EPHX3: variants seen among roughly 807,000 people sequenced by gnomAD.
EPHX3 encodes the protein epoxide hydrolase 3.
In EPHX3, 39 loss-of-function variants were observed where a neutral mutation model predicts 40.2. The ratio of observed to expected loss-of-function variants is 0.97; its 90% CI spans 0.75 to 1.27. The LOEUF (loss-of-function observed/expected upper bound fraction) is 1.27, where lower values mean the gene tolerates loss of function less well. EPHX3 is among the 50% of genes most tolerant of loss of function. The probability of loss-of-function intolerance (pLI) is 0.00; values close to 1 mark genes in which losing one functional copy is unlikely to be tolerated. For synonymous variants in EPHX3, 213 were observed against 209.7 expected (o/e 1.02, Z -0.14); for missense variants, 442 against 474.0 (o/e 0.93, Z 0.63).
chr19:15,229,576 AGTGAGACTCCATC>A (rs1455638776), intron 4 of EPHX3, among the ~76,000 whole-genome samples: 2 of 135,760 alleles, frequency 1.5e-5, no homozygotes, highest in East Asian at 4.5e-4. Flanking sequence ...CACTGCACAG[AGTGAGACTCCATC>A]TCAAGAAAAA....
upstream of EPHX3, chr19:15,232,449 A>G: frequency 7.5e-7 from 1 of 1,337,064 alleles, no homozygotes; most frequent in Non-Finnish European, 9.5e-7. Flanking sequence ...AAACAAGGGT[A>G]GGGTGCGGAG....
At position 15,231,792 on chromosome 19, in the gene EPHX3, C is replaced by T. The variant is rs1182835675; in HGVS notation, c.313G>A (p.Gly105Ser). ...CAGACGTACCAGTTCTCAGGGAAGC[C>T]GTGCAGAAACAGCATGAGGGGTCCG... ...GNGPLMLFLH[G>S]FPENWFSWRY... is the part of the protein sequence containing the mutation. Residue 105 changes from glycine to serine, a missense_variant, in exon 2 of 7, where the codon GGC becomes AGC. Coordinates refer to ENST00000221730, the MANE Select transcript of EPHX3 (RefSeq NM_024794.3). 3.1e-6 allele frequency: 5 copies of T among 1,613,870 alleles called. No individual in the cohort carries two copies. The highest frequency in any genetic ancestry group is 1.3e-5 in the African/African-American group (1 of 74,934).
At chr19:15,236,414 G>A (rs918184786), upstream of EPHX3, 2 of 151,880 alleles carry the variant, frequency 1.3e-5, no homozygotes, top group African/African-American at 4.8e-5. Flanking sequence ...ATATCTAAGA[G>A]TATCTGGTTA....
At chr19:15,228,862 G>A (rs2047132738) in intron 4 of EPHX3, among the ~76,000 whole-genome samples, 2 of 152,002 alleles carry the variant, frequency 1.3e-5, no homozygotes, top group South Asian at 4.2e-4. Context: ...GTGGTGGTGT[G>A]TGCCTATAGT....
chr19:15,232,570 T>A, upstream of EPHX3: 1 of 529,898 alleles, frequency 1.9e-6, no homozygotes, highest in Non-Finnish European at 2.7e-6. Context: ...AGCGGGTGGG[T>A]GAGGGTCTAA....
chr19:15,236,408 C>T (rs1376001359), upstream of EPHX3: 1 of 151,362 alleles, frequency 6.6e-6, no homozygotes. Flanking sequence ...AGACTTATAT[C>T]TAAGAGTATC....
chr19:15,235,267 A>C (rs193031293), upstream of EPHX3, among the ~76,000 whole-genome samples: 1 of 151,982 alleles, frequency 6.6e-6, no homozygotes, highest in Admixed American at 6.6e-5. Flanking sequence ...CGGCCTCCCA[A>C]AAGTGCTGGG....
rs2047119184 is a variant in EPHX3 at position 15,227,360 on chromosome 19, C to T, written c.*77G>A. ...CACCCATGTATGGACATTGTATGGA[C>T]TCCCAGGCACACACAGATAATGGGT... On this transcript the variant is annotated 3_prime_UTR_variant, in exon 7 of 7. Transcript: ENST00000221730. 3.3e-6 allele frequency: 4 copies of T among 1,223,320 alleles called. No homozygotes were observed. Among genetic ancestry groups the T allele is most frequent in the Admixed American group, 1.8e-5 (1 of 55,712 alleles). 75.8% of individuals were successfully genotyped at this position (1,223,320 alleles called of 1,614,324 possible).
At chr19:15,234,151 C>T (rs2047174833), upstream of EPHX3, among the ~76,000 whole-genome samples, 1 of 152,038 alleles carries the variant, frequency 6.6e-6, no homozygotes, top group Non-Finnish European at 1.5e-5. Context: ...CATCACTTAA[C>T]CATAGAGCAA....
At position 15,227,514 on chromosome 19, in the gene EPHX3, C is replaced by T. The variant is rs369111109; in HGVS notation, c.1006G>A (p.Gly336Arg). The change falls in exon 7 of 7, where the codon GGG becomes AGG. Residue 336 changes from glycine (G) to arginine (R), a missense_variant. Transcript: ENST00000221730. ...GGGTTGCTCTGTGGGATCCAATGCCCTATGCCTGGCAGGATGTGGGCCTCC... is the reference window on the plus strand; with the variant it reads ...GGGTTGCTCTGTGGGATCCAATGCCTTATGCCTGGCAGGATGTGGGCCTCC... ...RLEAHILPGI[G>R]HWIPQSNPQE... The T allele has an allele frequency of 2.5e-6, 4 of 1,614,028 alleles. No individual in the cohort carries two copies. Among genetic ancestry groups the T allele is most frequent in the African/African-American group, 1.3e-5 (1 of 74,924 alleles).
At position 15,227,527 on chromosome 19, in the gene EPHX3, G is replaced by A. The variant is rs1384829618; in HGVS notation, c.993C>T (p.Ile331=). ...GGATCCAATGCCCTATGCCTGGCAG[G>A]ATGTGGGCCTCCAAGCGGCCCGGCA... The part of the protein sequence containing the change: ...RFVPGRLEAH[I]LPGIGHWIPQ... The change falls in exon 7 of 7, where the codon ATC becomes ATT. Residue 331 remains isoleucine (I), a synonymous_variant. Transcript: ENST00000221730. The A allele has an allele frequency of 3.1e-6, 5 of 1,614,118 alleles. No individual in the cohort carries two copies. Among genetic ancestry groups the A allele is most frequent in the South Asian group, 1.1e-5 (1 of 91,090 alleles).
At chr19:15,234,087 C>T (rs1446476705), upstream of EPHX3, among the ~76,000 whole-genome samples, 2 of 151,414 alleles carry the variant, frequency 1.3e-5, no homozygotes, top group South Asian at 2.1e-4. Flanking sequence ...CAGCCAGCTT[C>T]TTCCTCCTAT....
chr19:15,235,036 A>G (rs893044731), upstream of EPHX3, among the ~76,000 whole-genome samples: 5 of 151,934 alleles, frequency 3.3e-5, no homozygotes, highest in African/African-American at 4.8e-5. Context: ...GAGTCTCACC[A>G]TATCACCCAA....
Position 15,232,241 on chromosome 19 carries a change from T to A in EPHX3, c.-30A>T. The A allele has an allele frequency of 6.8e-7, 1 of 1,460,848 alleles. No individual in the cohort carries two copies. Among genetic ancestry groups the A allele is most frequent in the South Asian group, 1.4e-5 (1 of 73,752 alleles). The allele number at this position is 1,460,848 out of a possible 1,614,324, so 90.5% of individuals were successfully genotyped here. A position where few individuals can be genotyped will look rare whatever the true frequency, so the allele number is the denominator to read the frequency against. On this transcript the variant is annotated 5_prime_UTR_variant, in exon 1 of 7. Coordinates refer to ENST00000221730, the MANE Select transcript of EPHX3 (RefSeq NM_024794.3). ...CCGCGCTCCGGGACCACGGCGGCGC[T>A]GCCGGCCAGGGGCACCTGCAGCAGC...
rs2047156321 is a variant in EPHX3, at chr19:15,231,810, G to A, written c.295C>T (p.Leu99Phe). 1 of 1,613,972 alleles carries A rather than the reference G, an allele frequency of 6.2e-7. No homozygotes were observed. The highest frequency in any genetic ancestry group is 2.2e-5 in the East Asian group (1 of 44,870). Reference sequence around the variant, plus strand: ...GGGAAGCCGTGCAGAAACAGCATGAGGGGTCCGTTACCTCGTCCAGCCGAG... The same window carrying A: ...GGGAAGCCGTGCAGAAACAGCATGAAGGGTCCGTTACCTCGTCCAGCCGAG... ...YVSAGRGNGP[L>F]MLFLHGFPEN... is the part of the protein sequence containing the mutation. The change falls in exon 2 of 7, where the codon CTC becomes TTC. Residue 99 changes from leucine (L) to phenylalanine (F), a missense_variant. Transcript: ENST00000221730.
At position 15,228,056 on chromosome 19, in the gene EPHX3, T is replaced by C; in HGVS notation, c.661A>G (p.Met221Val). The change falls in exon 5 of 7, where the codon ATG becomes GTG. Residue 221 changes from methionine to valine, a missense_variant. Physicochemically the swap from Met to Val is conservative, Grantham distance 21. Transcript: ENST00000221730. ...HISQFFRSHYMFLFQLPWLPE... is the reference protein window; with the variant it reads ...HISQFFRSHYVFLFQLPWLPE... ...AGCCAGGGCAGCTGGAACAGGAACATGTAGTGGGAACGGAAGAACTGGCTG... is the reference window on the plus strand; with the variant it reads ...AGCCAGGGCAGCTGGAACAGGAACACGTAGTGGGAACGGAAGAACTGGCTG... The C allele has an allele frequency of 1.9e-6, 3 of 1,610,870 alleles. No individual in the cohort carries two copies. Among genetic ancestry groups the C allele is most frequent in the Non-Finnish European group, 1.7e-6 (2 of 1,179,116 alleles).
upstream of EPHX3, among the ~76,000 whole-genome samples, chr19:15,234,751 C>T (rs1035683675): frequency 6.6e-6 from 1 of 152,208 alleles, no homozygotes; most frequent in African/African-American, 2.4e-5. Context: ...CACTTTTATC[C>T]ATATACCTTT....
Position 15,227,590 on chromosome 19 carries a change from C to T in EPHX3, c.930G>A (p.Leu310=). The T allele has an allele frequency of 6.2e-7, 1 of 1,614,112 alleles. No homozygotes were observed. Among genetic ancestry groups the T allele is most frequent in the African/African-American group, 1.3e-5 (1 of 75,060 alleles). ...LLLWGEKDTY[L]ELGLVEAIGS... ...CGATGGCTTCCACCAGCCCCAGCTC[C>T]AAGTAAGTGTCCTTCTCCCCCCACA... Residue 310 remains leucine, a synonymous_variant, in exon 7 of 7, where the codon TTG becomes TTA. Coordinates refer to ENST00000221730, the MANE Select transcript of EPHX3 (RefSeq NM_024794.3).
chr19:15,235,566 CA>C (rs35971341), upstream of EPHX3: 23,830 of 76,606 alleles, frequency 0.31, 1,771 homozygotes, highest in Middle Eastern at 0.4. Context: ...GAGAACTGCA[CA>C]AAAAAAAAAA....
Sources: gnomAD v4.1 joint callset for allele counts (sites outside exome capture counted in the v4.1 genomes callset) on GRCh38, gnomAD v4.1.1 for gene constraint, MANE v1.5 for transcripts, NCBI Gene and HGNC (gene_info 2026-07-23, HGNC 2026-07-21) for gene names.